TRAPPC9: variants seen among roughly 807,000 people sequenced by gnomAD.
The protein encoded by TRAPPC9 is IKK2 binding protein.
In TRAPPC9, 83 loss-of-function variants were observed where a neutral mutation model predicts 124.0. That is an observed-to-expected ratio of 0.67 (90% confidence interval 0.56 to 0.80). The LOEUF (loss-of-function observed/expected upper bound fraction) is 0.80. Among genes scored for constraint, TRAPPC9 ranks in the 30% least tolerant of loss-of-function variants. TRAPPC9 has a pLI of 0.00. For missense variants in TRAPPC9, 1,302 were observed against 1,508.3 expected (o/e 0.86, Z 2.27); for synonymous variants, 638 against 617.5 (o/e 1.03, Z -0.49).
chr8:140,235,799 A>C (rs1299900759), intron 16 of TRAPPC9, among the ~76,000 whole-genome samples: 2 of 152,244 alleles, frequency 1.3e-5, no homozygotes. Context: ...AAGAATGTCT[A>C]TAGCAGCATC....
intron 18 of TRAPPC9, among the ~76,000 whole-genome samples, chr8:140,021,778 A>G (rs1333005027): frequency 6.6e-6 from 1 of 152,254 alleles, no homozygotes; most frequent in Non-Finnish European, 1.5e-5. Context: ...AGGGACCCAC[A>G]GAAAGGCCAA....
At chr8:140,279,628 G>A (rs2131680139) in intron 14 of TRAPPC9, among the ~76,000 whole-genome samples, 1 of 152,272 alleles carries the variant, frequency 6.6e-6, no homozygotes, top group African/African-American at 2.4e-5. Context: ...GTGCCGTGGT[G>A]GCCGCCCACA....
intron 21 of TRAPPC9, among the ~76,000 whole-genome samples, chr8:139,813,206 G>C (rs1824565016): frequency 6.6e-6 from 1 of 152,206 alleles, no homozygotes; most frequent in Non-Finnish European, 1.5e-5. Flanking sequence ...ACTCTGATGA[G>C]GTCTCACATC....
chr8:140,411,428 G>A (rs1253436678), intron 5 of TRAPPC9, among the ~76,000 whole-genome samples: 4 of 152,092 alleles, frequency 2.6e-5, no homozygotes, highest in South Asian at 4.1e-4. Context: ...TGCAACCTCC[G>A]CCTCCCAGGT....
At chr8:139,948,973 T>C (rs1283075942) in intron 19 of TRAPPC9, among the ~76,000 whole-genome samples, 1 of 152,128 alleles carries the variant, frequency 6.6e-6, no homozygotes, top group Non-Finnish European at 1.5e-5. Context: ...ATTGGGAGGC[T>C]GAGGCGGGAG....
chr8:139,939,094 G>A (rs1489240966), intron 19 of TRAPPC9, among the ~76,000 whole-genome samples: 2 of 152,166 alleles, frequency 1.3e-5, no homozygotes, highest in African/African-American at 2.4e-5. Context: ...AGGACACAAG[G>A]GCCATTCAAA....
At chr8:139,910,883 C>A (rs946207733) in intron 19 of TRAPPC9, among the ~76,000 whole-genome samples, 7 of 152,144 alleles carry the variant, frequency 4.6e-5, no homozygotes, top group African/African-American at 1.7e-4. Context: ...TTTACAGGTT[C>A]ATAGGTGGAA....
At chr8:140,243,117 G>A (rs957302486) in intron 16 of TRAPPC9, among the ~76,000 whole-genome samples, 1 of 152,202 alleles carries the variant, frequency 6.6e-6, no homozygotes, top group African/African-American at 2.4e-5. Flanking sequence ...AGAAAGGGAT[G>A]TCGAAGAGCT....
At chr8:140,108,882 A>G (rs763084127) in intron 17 of TRAPPC9, among the ~76,000 whole-genome samples, 4 of 152,194 alleles carry the variant, frequency 2.6e-5, no homozygotes, top group Admixed American at 6.5e-5. Flanking sequence ...GCAACATCCT[A>G]TGACTAAGAA....
chr8:140,374,028 T>C (rs1032263700), intron 7 of TRAPPC9, among the ~76,000 whole-genome samples: 7 of 152,380 alleles, frequency 4.6e-5, no homozygotes, highest in African/African-American at 1.7e-4. Flanking sequence ...TGTAGCTCAA[T>C]CTATCAGCTT....
chr8:140,154,467 G>C (rs1245889453), intron 17 of TRAPPC9, among the ~76,000 whole-genome samples: 1 of 152,110 alleles, frequency 6.6e-6, no homozygotes, highest in Non-Finnish European at 1.5e-5. Context: ...TCCTGAAAAG[G>C]CTCCCGTTGC....
chr8:140,307,920 C>G (rs1280174998), intron 10 of TRAPPC9, among the ~76,000 whole-genome samples: 4 of 152,176 alleles, frequency 2.6e-5, no homozygotes, highest in Non-Finnish European at 4.4e-5. Context: ...TCTTAATAAA[C>G]TAGAAAAATA....
At chr8:139,877,019 GC>G (rs1829361976) in intron 21 of TRAPPC9, among the ~76,000 whole-genome samples, 1 of 152,174 alleles carries the variant, frequency 6.6e-6, no homozygotes, top group African/African-American at 2.4e-5. Flanking sequence ...CACATGTGCA[GC>G]CTTCACATCA....
intron 14 of TRAPPC9, among the ~76,000 whole-genome samples, chr8:140,283,507 C>T (rs1490572485): frequency 1.3e-5 from 2 of 150,928 alleles, no homozygotes; most frequent in African/African-American, 4.9e-5. Flanking sequence ...CCGTGTTAGC[C>T]AGGATGGTCT....
intron 17 of TRAPPC9, among the ~76,000 whole-genome samples, chr8:140,062,044 C>T (rs1043856524): frequency 3.3e-5 from 5 of 152,294 alleles, no homozygotes; most frequent in Admixed American, 2.6e-4. Flanking sequence ...ACACAATACA[C>T]GCACAGCCAG....
At chr8:140,226,205 G>A (rs538457057) in intron 16 of TRAPPC9, among the ~76,000 whole-genome samples, 123 of 152,272 alleles carry the variant, frequency 8.1e-4, no homozygotes, top group African/African-American at 2.9e-3. Flanking sequence ...CAGAAGGTAC[G>A]AGAAGGGACA....
At chr8:140,370,906 A>G in intron 8 of TRAPPC9, 58 bp downstream of exon 8, 1 of 1,592,002 alleles carries the variant, frequency 6.3e-7, no homozygotes, top group Non-Finnish European at 8.6e-7. Context: ...GGGCTGAAAC[A>G]GCATGTGACC....
intron 9 of TRAPPC9, among the ~76,000 whole-genome samples, chr8:140,322,968 T>C (rs1311664798): frequency 1.3e-5 from 2 of 152,230 alleles, no homozygotes; most frequent in East Asian, 1.9e-4. Flanking sequence ...AAGTGATGTA[T>C]GTTTGTGCAC....
chr8:140,448,618 G>A (rs2071349811), intron 2 of TRAPPC9, among the ~76,000 whole-genome samples: 1 of 152,232 alleles, frequency 6.6e-6, no homozygotes, highest in Non-Finnish European at 1.5e-5. Context: ...CATGCTGCCT[G>A]TGAGCTTCAA....
Sources: allele counts gnomAD v4.1 joint callset (sites outside exome capture counted in the v4.1 genomes callset), GRCh38; gene constraint gnomAD v4.1.1; transcripts MANE v1.5; gene names NCBI Gene and HGNC (gene_info 2026-07-23, HGNC 2026-07-21).